The following SLC13A1 variants were observed in gnomAD, a reference collection of about 807,000 sequenced individuals.
SLC13A1 encodes the protein solute carrier family 13 member 1, also known as Na(+)/sulfate cotransporter.
In SLC13A1, 65 loss-of-function variants were observed where a neutral mutation model predicts 70.0. The observed-to-expected ratio is 0.93, with a 90% CI of 0.76 to 1.14. The LOEUF (loss-of-function observed/expected upper bound fraction) is 1.14, where lower values mean the gene tolerates loss of function less well. SLC13A1 is among the 50% of genes most tolerant of loss of function. SLC13A1 has a pLI of 0.00. For missense variants in SLC13A1, 726 were observed against 717.8 expected, an observed-to-expected ratio of 1.01 and a Z score of -0.13; for synonymous variants, 275 against 250.5, an observed-to-expected ratio of 1.10 and a Z score of -0.92.
At chr7:123,155,605 T>C (rs1794682878) in intron 6 of SLC13A1, among the ~76,000 whole-genome samples, 1 of 152,170 alleles carries the variant, frequency 6.6e-6, no homozygotes, top group Non-Finnish European at 1.5e-5. Flanking sequence ...TTTGGTTGTC[T>C]GCTCACATTT....
intron 11 of SLC13A1, among the ~76,000 whole-genome samples, chr7:123,124,507 A>G (rs1397127941): frequency 1.3e-5 from 2 of 152,236 alleles, no homozygotes; most frequent in African/African-American, 4.8e-5. Flanking sequence ...CAACACAACT[A>G]CATAAATCCC....
chr7:123,123,455 G>A (rs1053936055), intron 11 of SLC13A1, among the ~76,000 whole-genome samples: 3 of 151,936 alleles, frequency 2.0e-5, no homozygotes, highest in Non-Finnish European at 2.9e-5. Context: ...AATCCTTTGG[G>A]TAATATTATA....
chr7:123,163,246 T>C (rs1794970137), intron 6 of SLC13A1, among the ~76,000 whole-genome samples: 1 of 152,092 alleles, frequency 6.6e-6, no homozygotes, highest in Admixed American at 6.6e-5. Flanking sequence ...TTTTAGGATA[T>C]TCCTTTCTTC....
chr7:123,147,541 T>A (rs1483920820), intron 6 of SLC13A1, among the ~76,000 whole-genome samples: 2 of 149,364 alleles, frequency 1.3e-5, no homozygotes, highest in Admixed American at 1.3e-4. Context: ...TTGATTCCTC[T>A]CTCTCTCTCT....
intron 2 of SLC13A1, among the ~76,000 whole-genome samples, chr7:123,176,567 T>C (rs1268596105): frequency 6.6e-6 from 1 of 152,186 alleles, no homozygotes; most frequent in Admixed American, 6.5e-5. Context: ...CAATAAATAG[T>C]TGTAAAAATT....
chr7:123,166,569 A>G lies in SLC13A1; in HGVS notation c.660+1805T>C, dbSNP rs10239774. The stretch of plus-strand genomic sequence containing the variant: ...CTTCCCCCACCACACAACAGGCCCC[A>G]GTGTGTGACGTTCCCCTTCCTGTGC... On this transcript the variant is annotated intron_variant, in intron 6 of 14. Transcript: ENST00000194130. 6.0e-3 allele frequency among the ~76,000 whole-genome samples: 912 copies of G among 151,882 alleles called. 4 individuals are homozygous for G. The highest frequency in any genetic ancestry group is 0.021 in the African/African-American group (849 of 41,310).
At chr7:123,127,750 T>C (rs185533994) in intron 10 of SLC13A1, among the ~76,000 whole-genome samples, 237 of 151,632 alleles carry the variant, frequency 1.6e-3, no homozygotes, top group Non-Finnish European at 3.0e-3. Context: ...AACCAGAAGG[T>C]TCTGATTCAG....
chr7:123,156,701 A>G (rs945301340), intron 6 of SLC13A1, among the ~76,000 whole-genome samples: 2 of 152,144 alleles, frequency 1.3e-5, no homozygotes, highest in African/African-American at 4.8e-5. Context: ...TCTTTATTAG[A>G]CGAAGCTCTG....
chr7:123,196,624 G>C (rs528786845), intron 1 of SLC13A1, among the ~76,000 whole-genome samples: 1 of 152,166 alleles, frequency 6.6e-6, no homozygotes, highest in South Asian at 2.1e-4. Flanking sequence ...CCCAGCAAAT[G>C]ACATCCTTAT....
At chr7:123,172,848 T>C (rs1382311766) in intron 2 of SLC13A1, among the ~76,000 whole-genome samples, 1 of 152,150 alleles carries the variant, frequency 6.6e-6, no homozygotes. Flanking sequence ...AATTTTGACA[T>C]ACTAGAACTT....
At position 123,119,886 on chromosome 7, in the gene SLC13A1, T is replaced by C. The variant is rs191346642; in HGVS notation, c.1351-644A>G. Reference sequence around the variant, plus strand: ...CCTATGATTAAATAAATATTGTTCATAGCTACACCACTTAGCATACTATCA... The same window carrying C: ...CCTATGATTAAATAAATATTGTTCACAGCTACACCACTTAGCATACTATCA... On this transcript the variant is annotated intron_variant, in intron 12 of 14. Transcript: ENST00000194130. 2.6e-5 allele frequency among the ~76,000 whole-genome samples: 4 copies of C among 152,152 alleles called. No homozygotes were observed. The East Asian group carries it at 5.8e-4, about 22-fold the overall frequency.
At chr7:123,122,198 G>T (rs1170582508) in intron 12 of SLC13A1, among the ~76,000 whole-genome samples, 1 of 152,090 alleles carries the variant, frequency 6.6e-6, no homozygotes, top group African/African-American at 2.4e-5. Context: ...AAGCAAAGGA[G>T]TATCTTCCAA....
intron 1 of SLC13A1, among the ~76,000 whole-genome samples, chr7:123,192,398 G>A (rs1288976394): frequency 2.0e-5 from 3 of 152,178 alleles, no homozygotes; most frequent in Non-Finnish European, 4.4e-5. Flanking sequence ...AAATGTGGCT[G>A]ATTACATTTA....
intron 9 of SLC13A1, 89 bp from the exon 10 acceptor site, chr7:123,129,035 A>T (rs1793661536): frequency 2.3e-6 from 2 of 854,962 alleles, no homozygotes; most frequent in Non-Finnish European, 3.9e-6. Context: ...GAATGATCGC[A>T]GTAGAACACT....
chr7:123,143,420 G>A (rs1237173741), intron 7 of SLC13A1, among the ~76,000 whole-genome samples: 1 of 152,160 alleles, frequency 6.6e-6, no homozygotes, highest in Non-Finnish European at 1.5e-5. Context: ...GCTGGGATGG[G>A]CACTTCTTCT....
intron 6 of SLC13A1, among the ~76,000 whole-genome samples, chr7:123,156,802 C>T (rs1054892492): frequency 6.6e-6 from 1 of 152,016 alleles, no homozygotes; most frequent in African/African-American, 2.4e-5. Context: ...CCTTCTAGAC[C>T]TTCTCAAGGC....
intron 1 of SLC13A1, among the ~76,000 whole-genome samples, chr7:123,188,487 A>C (rs1041935926): frequency 2.0e-5 from 3 of 152,174 alleles, no homozygotes; most frequent in African/African-American, 7.2e-5. Context: ...TGGTATGAAA[A>C]AATCTTCTTA....
intron 1 of SLC13A1, among the ~76,000 whole-genome samples, chr7:123,182,758 T>C (rs1010661074): frequency 6.6e-6 from 1 of 152,124 alleles, no homozygotes; most frequent in African/African-American, 2.4e-5. Context: ...ATGGCACAAC[T>C]TTGGTGACAG....
intron 1 of SLC13A1, among the ~76,000 whole-genome samples, chr7:123,188,923 G>T (rs1005468500): frequency 6.6e-6 from 1 of 151,190 alleles, no homozygotes; most frequent in South Asian, 2.1e-4. Context: ...AGACCATCCC[G>T]GCTAAAACGG....
Sources: gnomAD v4.1 joint callset for allele counts (sites outside exome capture counted in the v4.1 genomes callset) on GRCh38, gnomAD v4.1.1 for gene constraint, MANE v1.5 for transcripts, NCBI Gene and HGNC (gene_info 2026-07-23, HGNC 2026-07-21) for gene names.